The following RGS5 variants were observed in gnomAD, a reference collection of about 807,000 sequenced individuals.
RGS5 encodes regulator of G protein signaling 5, also known as regulator of G-protein signalling 5.
In RGS5, 20 loss-of-function variants were observed where a neutral mutation model predicts 18.9. The ratio of observed to expected loss-of-function variants is 1.06; its 90% CI spans 0.74 to 1.54. The LOEUF (loss-of-function observed/expected upper bound fraction) is 1.54. Among genes scored for constraint, RGS5 ranks in the 40% most tolerant of loss-of-function variants. RGS5 has a pLI of 0.00. For missense variants in RGS5, 201 were observed against 211.8 expected (o/e 0.95, Z 0.32); for synonymous variants, 57 against 76.2 (o/e 0.75, Z 1.31).
Position 163,256,772 on chromosome 1 carries a change from G to C in RGS5, c.-281+49461C>G, listed in dbSNP as rs1274157203. 2.0e-5 allele frequency among the ~76,000 whole-genome samples: 3 copies of C among 152,180 alleles called. No homozygotes were observed. The East Asian group carries it at 5.8e-4, about 29-fold the overall frequency. On this transcript the variant is annotated intron_variant, in intron 2 of 5. Transcript: ENST00000618415. ...ATGCTGATATCCTGGTGTTGGAGGA[G>C]AGAGAGGCAGAAAGGTAAGTGCAAG...
chr1:163,149,976 G>T (rs1009426887), intron 4 of RGS5, among the ~76,000 whole-genome samples: 1 of 152,168 alleles, frequency 6.6e-6, no homozygotes, highest in Non-Finnish European at 1.5e-5. Flanking sequence ...CTAGAGACTT[G>T]CCCAAAGTCC....
At chr1:163,224,990 C>G (rs920550853) in intron 2 of RGS5, among the ~76,000 whole-genome samples, 5 of 152,120 alleles carry the variant, frequency 3.3e-5, no homozygotes, top group Non-Finnish European at 5.9e-5. Flanking sequence ...TCTCGTCACT[C>G]TGTTGATTGC....
At chr1:163,194,157 A>G (rs1659467361) in intron 1 of RGS5, among the ~76,000 whole-genome samples, 1 of 152,218 alleles carries the variant, frequency 6.6e-6, no homozygotes, top group Admixed American at 6.6e-5. Flanking sequence ...ATAAAACAGA[A>G]TCACTTTCCA....
intron 2 of RGS5, among the ~76,000 whole-genome samples, chr1:163,289,592 C>T (rs539179072): frequency 1.3e-5 from 2 of 152,158 alleles, no homozygotes; most frequent in African/African-American, 2.4e-5. Context: ...TTGACTATGA[C>T]CCAAACTAAT....
intron 2 of RGS5, among the ~76,000 whole-genome samples, chr1:163,247,759 A>C (rs1303975122): frequency 6.6e-6 from 1 of 152,118 alleles, no homozygotes; most frequent in African/African-American, 2.4e-5. Context: ...TATCTTTTAC[A>C]ATGTTCTCTC....
At chr1:163,219,071 C>G (rs565923685), upstream of RGS5, among the ~76,000 whole-genome samples, 7 of 152,228 alleles carry the variant, frequency 4.6e-5, no homozygotes, top group Non-Finnish European at 7.4e-5. Flanking sequence ...AATAGATCAG[C>G]ATTTCACTAC....
chr1:163,302,779 C>T (rs1649586646), intron 2 of RGS5, among the ~76,000 whole-genome samples: 1 of 152,208 alleles, frequency 6.6e-6, no homozygotes, highest in Admixed American at 6.5e-5. Context: ...AATGACCTTA[C>T]CCCTTCCTCA....
At chr1:163,300,589 T>A (rs1649528547) in intron 2 of RGS5, 1 of 152,222 alleles carries the variant, frequency 6.6e-6, no homozygotes. Flanking sequence ...AGACTGAAAG[T>A]ACTCCAACAG....
At chr1:163,258,863 G>C (rs1648348571) in intron 2 of RGS5, among the ~76,000 whole-genome samples, 1 of 151,804 alleles carries the variant, frequency 6.6e-6, no homozygotes, top group Non-Finnish European at 1.5e-5. Context: ...TTTTAGTAAA[G>C]ACAAGGTCTC....
upstream of RGS5, chr1:163,217,704 A>G: frequency 1.5e-6 from 2 of 1,379,286 alleles, no homozygotes; most frequent in Non-Finnish European, 1.9e-6. Flanking sequence ...GAGAACTTGG[A>G]ACCTTGATGA....
chr1:163,149,197 T>C (rs1286854619), intron 4 of RGS5, among the ~76,000 whole-genome samples: 1 of 152,228 alleles, frequency 6.6e-6, no homozygotes, highest in Non-Finnish European at 1.5e-5. Flanking sequence ...TGAAGTCCAA[T>C]GTCTGCCTTT....
At chr1:163,255,240 G>T (rs1257182940) in intron 2 of RGS5, among the ~76,000 whole-genome samples, 3 of 152,122 alleles carry the variant, frequency 2.0e-5, no homozygotes, top group Non-Finnish European at 4.4e-5. Flanking sequence ...ACCTTGGGCA[G>T]TATGGCCATT....
intron 2 of RGS5, among the ~76,000 whole-genome samples, chr1:163,295,578 T>C (rs562817750): frequency 1.3e-5 from 2 of 152,324 alleles, no homozygotes; most frequent in East Asian, 3.9e-4. Context: ...CATTAACCAC[T>C]ACACAATATT....
intron 1 of RGS5, among the ~76,000 whole-genome samples, chr1:163,311,830 C>A (rs1457398044): frequency 6.6e-6 from 1 of 152,128 alleles, no homozygotes; most frequent in Non-Finnish European, 1.5e-5. Context: ...GACAAAGACA[C>A]AAATTGAGCA....
intron 2 of RGS5, among the ~76,000 whole-genome samples, chr1:163,243,813 A>AACACACAC (rs140181467): frequency 1.3e-5 from 2 of 150,118 alleles, no homozygotes; most frequent in Admixed American, 6.6e-5. Context: ...ACATTCACAC[A>AACACACAC]ACACACACAC....
chr1:163,159,819 C>T (rs1439243770), intron 3 of RGS5, among the ~76,000 whole-genome samples: 1 of 152,058 alleles, frequency 6.6e-6, no homozygotes, highest in Non-Finnish European at 1.5e-5. Flanking sequence ...CATATATACA[C>T]ATATATAATT....
upstream of RGS5, among the ~76,000 whole-genome samples, chr1:163,220,551 T>G (rs112833277): frequency 2.4e-3 from 370 of 152,302 alleles, 6 homozygotes; most frequent in African/African-American, 8.6e-3. Flanking sequence ...TCAAACTTAG[T>G]CCATCTGATA....
chr1:163,216,733 C>G (rs1459377657), intron 1 of RGS5, among the ~76,000 whole-genome samples: 1 of 152,162 alleles, frequency 6.6e-6, no homozygotes, highest in African/African-American at 2.4e-5. Context: ...TTGCAGATAA[C>G]TTTGTAGAAC....
chr1:163,155,282 C>T (rs1657537484), intron 3 of RGS5, among the ~76,000 whole-genome samples: 1 of 152,120 alleles, frequency 6.6e-6, no homozygotes, highest in Non-Finnish European at 1.5e-5. Context: ...GGGATGTATG[C>T]CGGGATTCCA....
Sources: gnomAD v4.1 joint callset for allele counts (sites outside exome capture counted in the v4.1 genomes callset) on GRCh38, gnomAD v4.1.1 for gene constraint, MANE v1.5 for transcripts, NCBI Gene and HGNC (gene_info 2026-07-23, HGNC 2026-07-21) for gene names.